NSUN3: variants seen among roughly 807,000 people sequenced by gnomAD.
NSUN3 encodes NOP2/Sun RNA methyltransferase 3.
In NSUN3, 24 loss-of-function variants were observed where a neutral mutation model predicts 36.8. The ratio of observed to expected loss-of-function variants is 0.65; its 90% confidence interval spans 0.47 to 0.92. The LOEUF is 0.92. NSUN3 is among the 40% of genes least tolerant of loss of function. The pLI is 0.00. For missense variants in NSUN3, 381 were observed against 392.8 expected (o/e 0.97, Z 0.25); for synonymous variants, 146 against 145.2 (o/e 1.01, Z -0.04).
rs2077500736 is a variant in NSUN3, at chr3:94,129,494, TGGGGA to T, written c.*3012_*3016del. Among the ~76,000 whole-genome samples, 1 of 151,350 alleles carries T rather than the reference TGGGGA, an allele frequency of 6.6e-6. No individual in the cohort carries two copies. Among genetic ancestry groups the T allele is most frequent in the African/African-American group, 2.4e-5 (1 of 41,132 alleles). On this transcript the variant is annotated 3_prime_UTR_variant, in exon 6 of 6. Transcript: ENST00000314622. ...CAATAGACACTGGTGACTACTAGAGTGGGGAGGGGAGGAGGGGGATGTAGGCTGAA... is the reference window on the plus strand; with the variant it reads ...CAATAGACACTGGTGACTACTAGAGTGGGGAGGAGGGGGATGTAGGCTGAA...
Position 94,075,939 on chromosome 3 carries a change from C to T in NSUN3, c.123-8168C>T, listed in dbSNP as rs915994774. The T allele has an allele frequency of 3.5e-5, 52 of 1,502,820 alleles. No individual in the cohort carries two copies. The African/African-American group carries it at 6.3e-4, about 18-fold the overall frequency. 93.1% of individuals were successfully genotyped at this position (1,502,820 alleles called of 1,614,324 possible). A position where few individuals can be genotyped will look rare whatever the true frequency, so the allele number is the denominator to read the frequency against. On this transcript the variant is annotated intron_variant, in intron 2 of 5. Coordinates refer to ENST00000314622, the MANE Select transcript of NSUN3 (RefSeq NM_022072.5). ...CCCTTGTCCTTCTGGATCCATATTC[C>T]TTCAGGGTCTTCATCATTATAAATG...
At chr3:94,106,873 G>T (rs932473292) in intron 5 of NSUN3, among the ~76,000 whole-genome samples, 1 of 151,988 alleles carries the variant, frequency 6.6e-6, no homozygotes, top group African/African-American at 2.4e-5. Flanking sequence ...GAAAGGAAAA[G>T]TAAATGAAGA....
intron 2 of NSUN3, among the ~76,000 whole-genome samples, chr3:94,067,507 C>T (rs902992560): frequency 3.9e-5 from 6 of 152,078 alleles, no homozygotes; most frequent in Non-Finnish European, 8.8e-5. Context: ...ACTCAACTAC[C>T]CTGCCCCCTT....
At chr3:94,116,028 T>C (rs1224394277) in intron 5 of NSUN3, among the ~76,000 whole-genome samples, 2 of 152,234 alleles carry the variant, frequency 1.3e-5, no homozygotes, top group Non-Finnish European at 2.9e-5. Context: ...TGTTTTATTT[T>C]AGTTTTTCAA....
At chr3:94,090,625 C>T (rs2107252125) in intron 3 of NSUN3, among the ~76,000 whole-genome samples, 1 of 152,028 alleles carries the variant, frequency 6.6e-6, no homozygotes, top group South Asian at 2.1e-4. Flanking sequence ...AGACTGGGTA[C>T]CCTAACCAAC....
rs1286299851 is a variant in NSUN3 at position 94,128,619 on chromosome 3, A to G, written c.*2129A>G. ...TATATATATAATTTTATTAAAAGCAATTGCCCCAAAAGCAGAAATTGACAA... is the reference window on the plus strand; with the variant it reads ...TATATATATAATTTTATTAAAAGCAGTTGCCCCAAAAGCAGAAATTGACAA... On this transcript the variant is annotated 3_prime_UTR_variant, in exon 6 of 6. Coordinates refer to ENST00000314622, the MANE Select transcript of NSUN3 (RefSeq NM_022072.5). 1 of 150,190 alleles carries G rather than the reference A, an allele frequency of 6.7e-6. No individual in the cohort carries two copies. Among genetic ancestry groups the G allele is most frequent in the African/African-American group, 2.4e-5 (1 of 40,978 alleles). 9.3% of individuals were successfully genotyped at this position (150,190 alleles called of 1,614,324 possible).
intron 2 of NSUN3, among the ~76,000 whole-genome samples, chr3:94,073,562 A>G (rs1281003177): frequency 6.6e-6 from 1 of 152,176 alleles, no homozygotes; most frequent in Non-Finnish European, 1.5e-5. Context: ...AGTGATGATG[A>G]GCATTTTTTC....
At chr3:94,080,382 G>A (rs1454728889) in intron 2 of NSUN3, among the ~76,000 whole-genome samples, 1 of 152,160 alleles carries the variant, frequency 6.6e-6, no homozygotes, top group Non-Finnish European at 1.5e-5. Context: ...AGGATACACA[G>A]CGGTCAGATA....
chr3:94,063,973 T>A (rs2077192818), intron 1 of NSUN3: 1 of 156,750 alleles, frequency 6.4e-6, no homozygotes, highest in South Asian at 1.8e-4. Context: ...CTCAGCCCCC[T>A]GAGTAGGTGG....
chr3:94,069,031 G>A (rs530026179), intron 2 of NSUN3, among the ~76,000 whole-genome samples: 4 of 152,268 alleles, frequency 2.6e-5, no homozygotes, highest in South Asian at 4.1e-4. Flanking sequence ...TGTAGTTGTG[G>A]CAAATTCAGT....
chr3:94,117,512 T>A (rs1413134549), intron 5 of NSUN3, among the ~76,000 whole-genome samples: 4 of 152,154 alleles, frequency 2.6e-5, no homozygotes, highest in Non-Finnish European at 4.4e-5. Flanking sequence ...TTTAGCAGCT[T>A]CATTAACTAG....
At chr3:94,093,820 T>C (rs906442581) in intron 3 of NSUN3, among the ~76,000 whole-genome samples, 2 of 152,220 alleles carry the variant, frequency 1.3e-5, no homozygotes, top group South Asian at 2.1e-4. Flanking sequence ...GTATAACATA[T>C]CTTTAGGAAT....
chr3:94,122,271 T>C (rs1338069290), intron 5 of NSUN3, among the ~76,000 whole-genome samples: 4 of 151,668 alleles, frequency 2.6e-5, no homozygotes, highest in African/African-American at 9.7e-5. Flanking sequence ...GGGTAAAAAA[T>C]TAAACTACAA....
intron 5 of NSUN3, among the ~76,000 whole-genome samples, chr3:94,096,692 G>A (rs1328255282): frequency 6.6e-6 from 1 of 151,972 alleles, no homozygotes; most frequent in Admixed American, 6.6e-5. Flanking sequence ...AGAGACGGGG[G>A]TTTCACCATG....
chr3:94,087,361 G>A (rs1211415396), intron 3 of NSUN3, among the ~76,000 whole-genome samples: 1 of 152,052 alleles, frequency 6.6e-6, no homozygotes, highest in African/African-American at 2.4e-5. Context: ...CCTTTATTCT[G>A]GGCCAAGAGG....
chr3:94,074,970 A>T (rs1288570105), intron 2 of NSUN3, among the ~76,000 whole-genome samples: 3 of 152,124 alleles, frequency 2.0e-5, no homozygotes, highest in African/African-American at 7.2e-5. Context: ...TTATTTTGAG[A>T]TATGATCCAT....
At chr3:94,089,142 A>G (rs1218960514) in intron 3 of NSUN3, among the ~76,000 whole-genome samples, 1 of 152,154 alleles carries the variant, frequency 6.6e-6, no homozygotes, top group Non-Finnish European at 1.5e-5. Context: ...AATTTGTAAC[A>G]TTGCTTCCAG....
At chr3:94,082,562 C>T (rs2077274101) in intron 2 of NSUN3, among the ~76,000 whole-genome samples, 1 of 152,194 alleles carries the variant, frequency 6.6e-6, no homozygotes, top group Non-Finnish European at 1.5e-5. Flanking sequence ...CGCTTCCAGT[C>T]GCAGGTGTTA....
At chr3:94,105,361 T>C (rs1043058831) in intron 5 of NSUN3, among the ~76,000 whole-genome samples, 5 of 152,206 alleles carry the variant, frequency 3.3e-5, no homozygotes, top group Non-Finnish European at 7.3e-5. Context: ...TCCTGGCATT[T>C]GGCCTCATTC....
Sources: allele counts gnomAD v4.1 joint callset (sites outside exome capture counted in the v4.1 genomes callset), GRCh38; gene constraint gnomAD v4.1.1; transcripts MANE v1.5; gene names NCBI Gene and HGNC (gene_info 2026-07-23, HGNC 2026-07-21).